Variants in ZFAT observed in about 807,000 individuals in gnomAD.
ZFAT encodes the protein zinc finger and AT-hook domain containing, also known as zinc finger protein ZFAT.
ZFAT carries 64 observed loss-of-function variants against 117.7 expected under a neutral mutation model. The ratio of observed to expected loss-of-function variants is 0.54; its 90% CI spans 0.44 to 0.67. ZFAT has a LOEUF of 0.67. Among genes scored for constraint, ZFAT ranks in the 30% least tolerant of loss-of-function variants. ZFAT has a pLI of 0.00. For missense variants in ZFAT, 1,433 were observed against 1,584.5 expected, an observed-to-expected ratio of 0.90 and a Z score of 1.62; for synonymous variants, 679 against 615.0, an observed-to-expected ratio of 1.10 and a Z score of -1.54.
At chr8:134,554,177 C>T (rs1431986267) in intron 11 of ZFAT, among the ~76,000 whole-genome samples, 1 of 152,198 alleles carries the variant, frequency 6.6e-6, no homozygotes, top group African/African-American at 2.4e-5. Flanking sequence ...GCTTCAAGTT[C>T]TGTGTATGTT....
At chr8:134,752,756 T>C in the ZFAT span, among the ~76,000 whole-genome samples, 1 of 152,050 alleles carries the variant, frequency 6.6e-6, no homozygotes, top group South Asian at 2.1e-4. Context: ...CACGCTCACA[T>C]AGCAGAGAGG....
At chr8:134,734,040 A>G in the ZFAT span, among the ~76,000 whole-genome samples, 594 of 152,358 alleles carry the variant, frequency 3.9e-3, 2 homozygotes, top group African/African-American at 0.014. Flanking sequence ...CATCCTGGTT[A>G]GAGAGTGTGG....
At chr8:134,517,172 C>G (rs748819199) in intron 13 of ZFAT, among the ~76,000 whole-genome samples, 1 of 152,126 alleles carries the variant, frequency 6.6e-6, no homozygotes, top group Non-Finnish European at 1.5e-5. Context: ...GAAATTGTTC[C>G]TCTCCACGTA....
In ZFAT at chr8:134,636,256, C is replaced by G. The variant is rs1428620621; in HGVS notation, c.448+1205G>C. 2.0e-5 allele frequency among the ~76,000 whole-genome samples: 3 copies of G among 152,280 alleles called. No individual in the cohort carries two copies. In the East Asian group the frequency reaches 5.8e-4, roughly 29 times the overall value. The stretch of plus-strand genomic sequence containing the variant: ...GATGGCCTGGGTTCAAAGGCCAGGT[C>G]CCCTTACTAACTAAAGGACCCTAAA... On this transcript the variant is annotated intron_variant, in intron 3 of 15. Transcript: ENST00000377838.
At chr8:134,730,724 T>G in the ZFAT span, among the ~76,000 whole-genome samples, 1 of 152,180 alleles carries the variant, frequency 6.6e-6, no homozygotes, top group East Asian at 1.9e-4. Flanking sequence ...TTGAACTCCC[T>G]CAGTTTACAG....
intron 10 of ZFAT, 151 bp downstream of exon 10, chr8:134,583,681 T>C: frequency 1.1e-6 from 1 of 906,226 alleles, no homozygotes; most frequent in Non-Finnish European, 1.7e-6. Flanking sequence ...TGGGAGGAAG[T>C]CAGGCCTGGT....
intron 15 of ZFAT, among the ~76,000 whole-genome samples, chr8:134,494,970 C>T (rs188335502): frequency 6.6e-5 from 10 of 152,206 alleles, no homozygotes; most frequent in Non-Finnish European, 1.5e-4. Flanking sequence ...ACATGACCCA[C>T]GTACTTCTCT....
intron 2 of ZFAT, among the ~76,000 whole-genome samples, chr8:134,652,957 GACA>G (rs1381692415): frequency 6.6e-6 from 1 of 152,082 alleles, no homozygotes; most frequent in Admixed American, 6.5e-5. Context: ...TGATATTCAT[GACA>G]ACATTTATTG....
chr8:134,588,482 C>A, intron 8 of ZFAT, 87 bp from the exon 9 acceptor site: 1 of 1,383,946 alleles, frequency 7.2e-7, no homozygotes, highest in Non-Finnish European at 9.6e-7. Context: ...GCAGCACCCA[C>A]AGGAGGAATC....
At chr8:134,501,889 T>C (rs533566215) in intron 15 of ZFAT, among the ~76,000 whole-genome samples, 2 of 152,340 alleles carry the variant, frequency 1.3e-5, no homozygotes, top group East Asian at 3.9e-4. Context: ...ATCCTTTTTG[T>C]GGCTAGGATT....
the ZFAT span, among the ~76,000 whole-genome samples, chr8:134,786,945 C>G: frequency 6.6e-6 from 1 of 151,070 alleles, no homozygotes; most frequent in African/African-American, 2.4e-5. Context: ...AACTCCTGGG[C>G]TCAGATGATC....
intron 15 of ZFAT, among the ~76,000 whole-genome samples, chr8:134,502,995 C>A (rs938986220): frequency 3.9e-5 from 6 of 152,210 alleles, no homozygotes; most frequent in African/African-American, 1.4e-4. Context: ...GACACCCCAT[C>A]CCCACCCCAG....
intron 12 of ZFAT, among the ~76,000 whole-genome samples, chr8:134,523,803 T>C (rs376275828): frequency 6.6e-6 from 1 of 152,158 alleles, no homozygotes; most frequent in African/African-American, 2.4e-5. Flanking sequence ...GACCTTCTCC[T>C]CATCTTTAAG....
At chr8:134,563,049 T>C (rs1824161426) in intron 11 of ZFAT, among the ~76,000 whole-genome samples, 1 of 152,244 alleles carries the variant, frequency 6.6e-6, no homozygotes, top group South Asian at 2.1e-4. Flanking sequence ...CTTAGCTCTC[T>C]ATTCTCTAGC....
At chr8:134,677,216 A>G (rs1832848510) in intron 1 of ZFAT, among the ~76,000 whole-genome samples, 1 of 152,214 alleles carries the variant, frequency 6.6e-6, no homozygotes, top group Non-Finnish European at 1.5e-5. Flanking sequence ...TAAAGAAGAA[A>G]AGAGAGAAGA....
the ZFAT span, among the ~76,000 whole-genome samples, chr8:134,754,874 A>C: frequency 0.45 from 68,691 of 151,902 alleles, 15,586 homozygotes; most frequent in Admixed American, 0.5. Context: ...CTCTTCGCCA[A>C]TGGCTTCAGC....
chr8:134,640,578 C>G (rs1830525358), intron 2 of ZFAT, among the ~76,000 whole-genome samples: 1 of 152,170 alleles, frequency 6.6e-6, no homozygotes, highest in South Asian at 2.1e-4. Context: ...CGCACCTAAC[C>G]TGGTGCCCTG....
At chr8:134,510,662 A>G (rs1819760031) in intron 14 of ZFAT, 1 of 156,188 alleles carries the variant, frequency 6.4e-6, no homozygotes, top group Non-Finnish European at 1.4e-5. Flanking sequence ...CTTGCAGCCA[A>G]CCACTCCGAA....
chr8:134,680,038 C>T (rs1013074205), intron 1 of ZFAT, among the ~76,000 whole-genome samples: 12 of 151,810 alleles, frequency 7.9e-5, no homozygotes, highest in East Asian at 5.8e-4. Flanking sequence ...ACATGTATAC[C>T]TATGTAACAA....
Sources: allele counts gnomAD v4.1 joint callset (sites outside exome capture counted in the v4.1 genomes callset), GRCh38; gene constraint gnomAD v4.1.1; transcripts MANE v1.5; gene names NCBI Gene and HGNC (gene_info 2026-07-23, HGNC 2026-07-21).